VGLL3: variants seen among roughly 807,000 people sequenced by gnomAD.
VGLL3 encodes transcription cofactor vestigial-like protein 3.
A neutral mutation model predicts 29.2 loss-of-function variants in VGLL3; 18 were observed. The ratio of observed to expected loss-of-function variants is 0.62; its 90% CI spans 0.43 to 0.91. VGLL3 has a LOEUF of 0.91. VGLL3 is among the 40% of genes least tolerant of loss of function. The pLI is 0.00. For synonymous variants in VGLL3, 180 were observed against 151.8 expected (o/e 1.19, Z -1.36); for missense variants, 440 against 413.2 (o/e 1.06, Z -0.56).
chr3:86,946,766 G>T lies in VGLL3; in HGVS notation c.*258C>A. ...AAAACTTAGCTATATATTGATAAAA[G>T]CAAGATAACAAAAGGAGAGAGTTGC... On this transcript the variant is annotated 3_prime_UTR_variant, in exon 4 of 4. Transcript: ENST00000398399. 2.7e-6 allele frequency: 1 copy of T among 372,328 alleles called. No individual in the cohort carries two copies. The highest frequency in any genetic ancestry group is 4.8e-6 in the Non-Finnish European group (1 of 207,770). 23.1% of individuals were successfully genotyped at this position (372,328 alleles called of 1,614,324 possible).
intron 3 of VGLL3, among the ~76,000 whole-genome samples, chr3:86,947,382 A>G (rs1704529909): frequency 6.6e-6 from 1 of 152,246 alleles, no homozygotes; most frequent in South Asian, 2.1e-4. Context: ...AAACATTTGT[A>G]ATTTCAAAAG....
intron 3 of VGLL3, among the ~76,000 whole-genome samples, chr3:86,966,805 ATATATAT>A (rs1704974756): frequency 1.7e-5 from 2 of 117,616 alleles, no homozygotes; most frequent in Non-Finnish European, 3.6e-5. Context: ...ATATATATAT[ATATATAT>A]ATATATATAT....
At position 86,968,701 on chromosome 3, in the gene VGLL3, G is replaced by T; in HGVS notation, c.826C>A (p.Gln276Lys). ...GGTTCTGTCTTTGTGATGTCACACT[G>T]GGGAGCAGGAATCCTGGCCGCATGC... Reference protein sequence around the residue: ...SVHAARIPAPQCDITKTEPTT... With the variant: ...SVHAARIPAPKCDITKTEPTT... Residue 276 changes from glutamine to lysine, a missense_variant, in exon 3 of 4, where the codon CAG becomes AAG. Coordinates refer to ENST00000398399, the MANE Select transcript of VGLL3 (RefSeq NM_016206.4). The T allele has an allele frequency of 1.2e-6, 2 of 1,614,154 alleles. No homozygotes were observed. Among genetic ancestry groups the T allele is most frequent in the Non-Finnish European group, 1.7e-6 (2 of 1,180,044 alleles).
intron 2 of VGLL3, among the ~76,000 whole-genome samples, chr3:86,969,752 A>G (rs1705052334): frequency 6.6e-6 from 1 of 151,538 alleles, no homozygotes. Flanking sequence ...CTCTAGACCG[A>G]GAATAAAAAT....
At chr3:86,977,585 G>T (rs1044707484) in intron 2 of VGLL3, among the ~76,000 whole-genome samples, 1 of 152,176 alleles carries the variant, frequency 6.6e-6, no homozygotes, top group African/African-American at 2.4e-5. Context: ...ATCAAACTCT[G>T]CACTGGAGTC....
intron 3 of VGLL3, chr3:86,962,315 T>A: frequency 1.0e-6 from 1 of 985,356 alleles, no homozygotes; most frequent in Non-Finnish European, 1.2e-6. Flanking sequence ...AGACAGAGGT[T>A]AGAGGAATAA....
intron 3 of VGLL3, among the ~76,000 whole-genome samples, chr3:86,960,044 A>C (rs982745293): frequency 6.6e-6 from 1 of 152,156 alleles, no homozygotes; most frequent in African/African-American, 2.4e-5. Flanking sequence ...TGTACCTAAC[A>C]AAACCAAGAT....
At chr3:86,950,726 T>C (rs567933113) in intron 3 of VGLL3, among the ~76,000 whole-genome samples, 1 of 152,320 alleles carries the variant, frequency 6.6e-6, no homozygotes, top group South Asian at 2.1e-4. Context: ...GTTACACTTT[T>C]GATGAAGACC....
At chr3:86,958,500 G>T (rs529588300) in intron 3 of VGLL3, among the ~76,000 whole-genome samples, 8 of 152,224 alleles carry the variant, frequency 5.3e-5, no homozygotes, top group African/African-American at 1.9e-4. Context: ...CACCAAGTAG[G>T]AGAAGAATCT....
At chr3:86,954,227 G>C (rs1225045948) in intron 3 of VGLL3, among the ~76,000 whole-genome samples, 1 of 152,208 alleles carries the variant, frequency 6.6e-6, no homozygotes, top group Admixed American at 6.5e-5. Context: ...ACCCACTGAA[G>C]CTGATGTTAC....
intron 1 of VGLL3, among the ~76,000 whole-genome samples, chr3:86,987,172 C>G (rs1705460089): frequency 6.6e-6 from 1 of 152,226 alleles, no homozygotes; most frequent in East Asian, 1.9e-4. Flanking sequence ...TATAAAAATC[C>G]ATTTTCTCAC....
At chr3:86,955,240 T>G (rs1045122411) in intron 3 of VGLL3, among the ~76,000 whole-genome samples, 10 of 152,208 alleles carry the variant, frequency 6.6e-5, no homozygotes, top group Non-Finnish European at 1.2e-4. Flanking sequence ...ATACTTGCAT[T>G]TTAATGCCTA....
At chr3:86,987,865 C>T (rs954198423) in intron 1 of VGLL3, among the ~76,000 whole-genome samples, 3 of 152,226 alleles carry the variant, frequency 2.0e-5, no homozygotes, top group African/African-American at 7.2e-5. Context: ...CCACCTACAA[C>T]ATGCAATATG....
Position 86,968,905 on chromosome 3 carries a change from G to T in VGLL3, c.622C>A (p.Pro208Thr), listed in dbSNP as rs1705023221. 3 of 1,614,140 alleles carry T rather than the reference G, an allele frequency of 1.9e-6. No homozygotes were observed. Among genetic ancestry groups the T allele is most frequent in the Admixed American group, 1.7e-5 (1 of 60,020 alleles). The change falls in exon 3 of 4, where the codon CCT becomes ACT. Residue 208 changes from proline (P) to threonine (T), a missense_variant. Pro to Thr is a conservative substitution (Grantham distance 38). Transcript: ENST00000398399. ...APPPAVSESW[P>T]YPLTSQVSPS... Reference sequence around the variant, plus strand: ...CTCACCTGAGATGTCAAAGGATAAGGCCAGGACTCAGACACAGCAGGGGGA... The same window carrying T: ...CTCACCTGAGATGTCAAAGGATAAGTCCAGGACTCAGACACAGCAGGGGGA...
chr3:86,965,389 T>C (rs1340680772), intron 3 of VGLL3, among the ~76,000 whole-genome samples: 1 of 152,148 alleles, frequency 6.6e-6, no homozygotes, highest in Non-Finnish European at 1.5e-5. Flanking sequence ...CGTTTCTGGC[T>C]GTATGTTCAG....
rs1402781385 is a variant in VGLL3, at chr3:86,945,781, A to G, written c.*1243T>C. 1 of 152,186 alleles carries G rather than the reference A, an allele frequency of 6.6e-6. No homozygotes were observed. The highest frequency in any genetic ancestry group is 1.5e-5 in the Non-Finnish European group (1 of 68,018). 9.4% of individuals were successfully genotyped at this position (152,186 alleles called of 1,614,324 possible). Reference sequence around the variant, plus strand: ...CTAAATTTCTTTCTAAAAAGGAATTAAATCAAGTAAAGCCAGATTTAAACA... The same window carrying G: ...CTAAATTTCTTTCTAAAAAGGAATTGAATCAAGTAAAGCCAGATTTAAACA... On this transcript the variant is annotated 3_prime_UTR_variant, in exon 4 of 4. Transcript: ENST00000398399.
At chr3:86,958,444 G>C (rs916457998) in intron 3 of VGLL3, among the ~76,000 whole-genome samples, 3 of 152,138 alleles carry the variant, frequency 2.0e-5, no homozygotes, top group Non-Finnish European at 4.4e-5. Context: ...TATTATGCAA[G>C]CACATCCTAA....
chr3:86,973,140 A>G lies in VGLL3; in HGVS notation c.404-4017T>C, dbSNP rs895534917. 5.3e-5 allele frequency among the ~76,000 whole-genome samples: 8 copies of G among 152,256 alleles called. No homozygotes were observed. In the East Asian group the frequency reaches 1.5e-3, roughly 29 times the overall value. ...TCTCCGAGTAAAAAATTTAAGAAAG[A>G]TAAGATTCAAAATTTAAAGAATGAT... is the stretch of plus-strand genomic sequence containing the variant. On this transcript the variant is annotated intron_variant, in intron 2 of 3. Coordinates refer to ENST00000398399, the MANE Select transcript of VGLL3 (RefSeq NM_016206.4).
At chr3:86,975,941 G>A (rs1055270094) in intron 2 of VGLL3, among the ~76,000 whole-genome samples, 5 of 152,066 alleles carry the variant, frequency 3.3e-5, no homozygotes, top group East Asian at 3.9e-4. Context: ...GTGAAACCCC[G>A]TCTCTACCAA....
Sources: gnomAD v4.1 joint callset for allele counts (sites outside exome capture counted in the v4.1 genomes callset) on GRCh38, gnomAD v4.1.1 for gene constraint, MANE v1.5 for transcripts, NCBI Gene and HGNC (gene_info 2026-07-23, HGNC 2026-07-21) for gene names.